The following QKI variants were observed in gnomAD, a reference collection of about 807,000 sequenced individuals.
QKI encodes QKI, KH domain containing RNA binding.
In QKI, 10 loss-of-function variants were observed where a neutral mutation model predicts 39.0. The ratio of observed to expected loss-of-function variants is 0.26; its 90% CI spans 0.16 to 0.43. The LOEUF (loss-of-function observed/expected upper bound fraction) is 0.43, where lower values mean the gene tolerates loss of function less well. QKI is among the 20% of genes least tolerant of loss of function. The probability of loss-of-function intolerance (pLI) is 1.00; values close to 1 mark genes in which losing one functional copy is unlikely to be tolerated. For missense variants in QKI, 218 were observed against 428.0 expected (o/e 0.51, Z 4.33); for synonymous variants, 204 against 155.4 (o/e 1.31, Z -2.33).
chr6:163,438,447 C>T (rs188211863), intron 1 of QKI, among the ~76,000 whole-genome samples: 2 of 152,100 alleles, frequency 1.3e-5, no homozygotes, highest in East Asian at 1.9e-4. Flanking sequence ...TTTCCTTTTG[C>T]GAACATCATA....
chr6:163,567,302 A>G (rs921868440), intron 7 of QKI: 2 of 985,852 alleles, frequency 2.0e-6, no homozygotes, highest in African/African-American at 1.7e-5. Flanking sequence ...ATGAGGGTGC[A>G]CATGTCAAGT....
chr6:163,557,831 AG>A (rs1401618196), intron 4 of QKI, among the ~76,000 whole-genome samples: 2 of 152,020 alleles, frequency 1.3e-5, no homozygotes, highest in African/African-American at 2.4e-5. Context: ...AAAAAAAAAA[AG>A]AAATATCGTG....
chr6:163,464,626 G>A (rs1791592522), intron 2 of QKI, among the ~76,000 whole-genome samples: 1 of 151,984 alleles, frequency 6.6e-6, no homozygotes, highest in Admixed American at 6.6e-5. Context: ...AACCTATCAG[G>A]ACCACATCAT....
At chr6:163,508,999 C>T (rs928913435) in intron 3 of QKI, among the ~76,000 whole-genome samples, 3 of 151,916 alleles carry the variant, frequency 2.0e-5, no homozygotes, top group South Asian at 2.1e-4. Context: ...ATTAGCTGGA[C>T]GTGGTGGCAG....
intron 4 of QKI, among the ~76,000 whole-genome samples, chr6:163,553,811 TG>T (rs964956920): frequency 2.2e-4 from 33 of 152,204 alleles, no homozygotes; most frequent in African/African-American, 7.5e-4. Context: ...TACAAATCTT[TG>T]TTAGTTTTAT....
chr6:163,525,756 G>T (rs1223856825), intron 3 of QKI, among the ~76,000 whole-genome samples: 1 of 152,178 alleles, frequency 6.6e-6, no homozygotes, highest in African/African-American at 2.4e-5. Context: ...TTCTTAATAG[G>T]TAGTTGTCAG....
intron 3 of QKI, among the ~76,000 whole-genome samples, chr6:163,499,980 A>C (rs1478505811): frequency 6.6e-6 from 1 of 152,144 alleles, no homozygotes; most frequent in African/African-American, 2.4e-5. Context: ...AAGGACTCTG[A>C]GGAAGTTACA....
chr6:163,541,197 T>C (rs765369707), intron 4 of QKI, among the ~76,000 whole-genome samples: 5 of 152,080 alleles, frequency 3.3e-5, no homozygotes, highest in Non-Finnish European at 5.9e-5. Context: ...CAAAAGTTTT[T>C]TCCAATTTTC....
intron 1 of QKI, among the ~76,000 whole-genome samples, chr6:163,444,304 G>T (rs1175667991): frequency 4.6e-5 from 7 of 152,176 alleles, no homozygotes. Context: ...TCATTTCGCA[G>T]ATGAAGAAAA....
chr6:163,514,456 G>T (rs1166187518), intron 3 of QKI, among the ~76,000 whole-genome samples: 2 of 152,088 alleles, frequency 1.3e-5, no homozygotes, highest in South Asian at 2.1e-4. Context: ...GGAATTTAAT[G>T]AATTGATTAC....
rs1441435921 is a variant in QKI, at chr6:163,574,713, A to G, written c.*4003A>G. 6.6e-6 allele frequency: 1 copy of G among 152,218 alleles called. No individual in the cohort carries two copies. Among genetic ancestry groups the G allele is most frequent in the Non-Finnish European group, 1.5e-5 (1 of 68,034 alleles). The allele number at this position is 152,218 out of a possible 1,614,324, so 9.4% of individuals were successfully genotyped here. Reference sequence around the variant, plus strand: ...ATTATGAATTATTTAGTTTAACTCAAGGTGCATTTTTATTTCACAGATTGA... The same window carrying G: ...ATTATGAATTATTTAGTTTAACTCAGGGTGCATTTTTATTTCACAGATTGA... On this transcript the variant is annotated 3_prime_UTR_variant, in exon 8 of 8. Coordinates refer to ENST00000361752, the MANE Select transcript of QKI (RefSeq NM_006775.3).
chr6:163,549,186 G>A (rs1014938325), intron 4 of QKI, among the ~76,000 whole-genome samples: 6 of 152,144 alleles, frequency 3.9e-5, no homozygotes, highest in African/African-American at 1.4e-4. Flanking sequence ...AGAAATGTGG[G>A]AGGAGAGGCC....
intron 3 of QKI, among the ~76,000 whole-genome samples, chr6:163,518,593 C>G (rs1215744318): frequency 1.3e-5 from 2 of 151,930 alleles, no homozygotes; most frequent in East Asian, 3.9e-4. Context: ...TATTTTGTAC[C>G]TTTTTGTGAA....
chr6:163,556,169 A>G lies in QKI; in HGVS notation c.547-5813A>G, dbSNP rs1782591764. ...GTCTAGAAAAGTTGAACAATGTATA[A>G]ATTACATTAAACGTGACCTGTTTGT... is the stretch of plus-strand genomic sequence containing the variant. On this transcript the variant is annotated intron_variant, in intron 4 of 7. Coordinates refer to ENST00000361752, the MANE Select transcript of QKI (RefSeq NM_006775.3). Among the ~76,000 whole-genome samples the G allele has an allele frequency of 2.0e-5, 3 of 152,328 alleles. No homozygotes were observed. The South Asian group carries it at 6.2e-4, about 32-fold the overall frequency.
At chr6:163,503,137 ATTTTTTTT>A (rs57383986) in intron 3 of QKI, among the ~76,000 whole-genome samples, 4 of 100,032 alleles carry the variant, frequency 4.0e-5, no homozygotes, top group South Asian at 7.4e-4. Flanking sequence ...GGCCCCTTGT[ATTTTTTTT>A]TTTTTTTTTT....
At chr6:163,433,495 G>A (rs957998068) in intron 1 of QKI, among the ~76,000 whole-genome samples, 4 of 152,160 alleles carry the variant, frequency 2.6e-5, no homozygotes, top group Non-Finnish European at 4.4e-5. Flanking sequence ...GGCCGGGCAC[G>A]GTGGCTCATG....
chr6:163,496,293 T>G (rs16895066), intron 3 of QKI, among the ~76,000 whole-genome samples: 4,241 of 152,258 alleles, frequency 0.028, 193 homozygotes, highest in African/African-American at 0.096. Flanking sequence ...GAGCTTTGAT[T>G]TAGGCATTGT....
In QKI at chr6:163,578,335, G is replaced by A. The variant is rs1777697199; in HGVS notation, c.*7625G>A. The A allele has an allele frequency of 6.6e-6, 1 of 152,110 alleles. No individual in the cohort carries two copies. The allele number at this position is 152,110 out of a possible 1,614,324, so 9.4% of individuals were successfully genotyped here. The stretch of plus-strand genomic sequence containing the variant: ...TTTGAGTTGATACTAAAGATTTTAT[G>A]TTCACTCCTTTACCTTAGAACTGTC... On this transcript the variant is annotated 3_prime_UTR_variant, in exon 8 of 8. Coordinates refer to ENST00000361752, the MANE Select transcript of QKI (RefSeq NM_006775.3).
chr6:163,556,503 CA>C (rs61233361), intron 4 of QKI, among the ~76,000 whole-genome samples: 47,605 of 83,140 alleles, frequency 0.57, 13,774 homozygotes, highest in East Asian at 0.83. Flanking sequence ...AATTCCACCT[CA>C]AAAAAAAAAA....
Sources: allele counts gnomAD v4.1 joint callset (sites outside exome capture counted in the v4.1 genomes callset), GRCh38; gene constraint gnomAD v4.1.1; transcripts MANE v1.5; gene names NCBI Gene and HGNC (gene_info 2026-07-23, HGNC 2026-07-21).